The following TBC1D2B variants were observed in gnomAD, a reference collection of about 807,000 sequenced individuals.
TBC1D2B encodes the protein TBC1 domain family member 2B.
In TBC1D2B, 64 loss-of-function variants were observed where a neutral mutation model predicts 100.8. That is an observed-to-expected ratio of 0.64 (90% CI 0.52 to 0.78). TBC1D2B has a LOEUF of 0.78. TBC1D2B is among the 30% of genes least tolerant of loss of function. The probability of loss-of-function intolerance (pLI) is 0.00; values close to 1 mark genes in which losing one functional copy is unlikely to be tolerated. For missense variants in TBC1D2B, 1,052 were observed against 1,218.4 expected, an observed-to-expected ratio of 0.86 and a Z score of 2.03; for synonymous variants, 480 against 479.7, an observed-to-expected ratio of 1.00 and a Z score of -0.01.
intron 3 of TBC1D2B, among the ~76,000 whole-genome samples, chr15:78,044,168 T>A (rs900715648): frequency 3.9e-5 from 6 of 152,118 alleles, no homozygotes; most frequent in African/African-American, 1.4e-4. Context: ...TCTTTTTGGA[T>A]CGATGAAAAC....
intron 6 of TBC1D2B, among the ~76,000 whole-genome samples, chr15:78,018,227 G>C (rs1301672458): frequency 1.3e-5 from 2 of 152,146 alleles, no homozygotes; most frequent in East Asian, 3.8e-4. Context: ...ACTGATGACA[G>C]GAGAAATAAA....
intron 2 of TBC1D2B, among the ~76,000 whole-genome samples, chr15:78,046,124 G>A (rs1175475295): frequency 6.6e-6 from 1 of 152,002 alleles, no homozygotes; most frequent in Non-Finnish European, 1.5e-5. Context: ...TACAGACGAG[G>A]TTTCACCATG....
chr15:78,051,528 T>C (rs142650320), intron 2 of TBC1D2B, among the ~76,000 whole-genome samples: 38 of 152,330 alleles, frequency 2.5e-4, no homozygotes, highest in African/African-American at 7.7e-4. Context: ...TAGCTATCAG[T>C]GCAAAACGTT....
At chr15:78,019,408 G>C (rs74027732) in intron 6 of TBC1D2B, among the ~76,000 whole-genome samples, 3,939 of 152,228 alleles carry the variant, frequency 0.026, 119 homozygotes, top group African/African-American at 0.068. Flanking sequence ...AGCCAGACCA[G>C]TGGGCTCTTA....
intron 1 of TBC1D2B, among the ~76,000 whole-genome samples, chr15:78,070,076 T>G (rs1475320013): frequency 6.6e-6 from 1 of 152,208 alleles, no homozygotes; most frequent in Non-Finnish European, 1.5e-5. Context: ...GCTCTTAAGA[T>G]GAAGACCAAA....
Position 78,001,814 on chromosome 15 carries a change from G to A in TBC1D2B, c.2575-74C>T, listed in dbSNP as rs535409679. 86 of 1,506,978 alleles carry A rather than the reference G, an allele frequency of 5.7e-5. 1 individual carries two copies. The South Asian group carries it at 1.1e-3, about 19-fold the overall frequency. 93.4% of individuals were successfully genotyped at this position (1,506,978 alleles called of 1,614,324 possible). A position where few individuals can be genotyped will look rare whatever the true frequency, so the allele number is the denominator to read the frequency against. The stretch of plus-strand genomic sequence containing the variant: ...AGGCACAAGGCTGGACTCCAGGGGG[G>A]TGCTGGCCCTACTGGGGACAGGGGG... On this transcript the variant is annotated intron_variant, in intron 11 of 12. Transcript: ENST00000300584.
intron 8 of TBC1D2B, among the ~76,000 whole-genome samples, chr15:78,015,338 T>C (rs553573407): frequency 4.4e-4 from 67 of 152,240 alleles, no homozygotes; most frequent in Non-Finnish European, 7.4e-4. Context: ...CACACAGGGG[T>C]ATATGTTACA....
intron 3 of TBC1D2B, among the ~76,000 whole-genome samples, chr15:78,038,984 G>C (rs1346257307): frequency 1.3e-5 from 2 of 152,204 alleles, no homozygotes; most frequent in Non-Finnish European, 2.9e-5. Context: ...GAAAAGACCA[G>C]GTGCCATTGC....
intron 1 of TBC1D2B, among the ~76,000 whole-genome samples, chr15:78,076,385 C>G (rs1179203152): frequency 6.6e-6 from 1 of 152,208 alleles, no homozygotes; most frequent in Non-Finnish European, 1.5e-5. Flanking sequence ...TTAGCTGGAG[C>G]ATCCCCGTCC....
Position 78,016,676 on chromosome 15 carries a change from T to C in TBC1D2B, c.1645A>G (p.Met549Val), listed in dbSNP as rs1567017191. 1.9e-6 allele frequency: 3 copies of C among 1,606,020 alleles called. No homozygotes were observed. The highest frequency in any genetic ancestry group is 1.7e-5 in the Admixed American group (1 of 57,944). The change falls in exon 8 of 13, where the codon ATG becomes GTG. Residue 549 changes from methionine to valine, a missense_variant. Transcript: ENST00000300584. ...TCTTCTGAGCACACTGGTGTCTTCA[T>C]TTCTTGGAGCAATATCAGGTATTTA... is the stretch of plus-strand genomic sequence containing the variant. ...ESKYLILLQE[M>V]KTPVCSEDQG...
chr15:78,058,160 A>T (rs2073465143), intron 1 of TBC1D2B, among the ~76,000 whole-genome samples: 1 of 152,236 alleles, frequency 6.6e-6, no homozygotes, highest in Non-Finnish European at 1.5e-5. Context: ...AAAATTTAAA[A>T]GTATATTATG....
chr15:78,063,645 T>C (rs2073594785), intron 1 of TBC1D2B, among the ~76,000 whole-genome samples: 1 of 152,170 alleles, frequency 6.6e-6, no homozygotes, highest in South Asian at 2.1e-4. Context: ...GCCAACATGG[T>C]TCCACTCTTA....
chr15:78,068,227 C>A (rs1035426133), intron 1 of TBC1D2B, among the ~76,000 whole-genome samples: 3 of 152,114 alleles, frequency 2.0e-5, no homozygotes, highest in African/African-American at 7.2e-5. Flanking sequence ...TTAAAGTTAA[C>A]ACTACAGTTT....
At chr15:78,072,589 T>C (rs1231490319) in intron 1 of TBC1D2B, among the ~76,000 whole-genome samples, 3 of 152,204 alleles carry the variant, frequency 2.0e-5, no homozygotes, top group Non-Finnish European at 4.4e-5. Context: ...TGGTTAAGAA[T>C]AGGGGTACAC....
At chr15:78,030,253 T>C in intron 3 of TBC1D2B, 83 bp from the exon 4 acceptor site, 1 of 1,185,528 alleles carries the variant, frequency 8.4e-7, no homozygotes. Flanking sequence ...TTGGCAAAAA[T>C]TTAAATATCT....
Position 78,013,159 on chromosome 15 carries a change from A to C in TBC1D2B, c.1934T>G (p.Val645Gly). Residue 645 changes from valine (V) to glycine (G), a missense_variant, in exon 9 of 13, where the codon GTG becomes GGG. By Grantham distance (109) the Val-to-Gly change is moderately radical. Transcript: ENST00000300584. ...VKWENYFAST[V>G]NREMMCSPEL... ...TGGAGAGCACATCATCTCCCTGTTC[A>C]CTGTACTTGCAAAATAGTTTTCCCA... 6.2e-7 allele frequency: 1 copy of C among 1,613,914 alleles called. No individual in the cohort carries two copies. Among genetic ancestry groups the C allele is most frequent in the Non-Finnish European group, 8.5e-7 (1 of 1,179,892 alleles).
In TBC1D2B at chr15:78,012,861, C is replaced by T. The variant is rs1310189671; in HGVS notation, c.2232G>A (p.Trp744Ter). 2.6e-6 allele frequency: 4 copies of T among 1,515,086 alleles called. No individual in the cohort carries two copies. In the African/African-American group the frequency reaches 5.6e-5, roughly 21 times the overall value. The allele number at this position is 1,515,086 out of a possible 1,614,324, so 93.9% of individuals were successfully genotyped here. A position where few individuals can be genotyped will look rare whatever the true frequency, so the allele number is the denominator to read the frequency against. Residue 744 changes from tryptophan (W) to a stop codon, truncating the protein, a stop_gained, in exon 9 of 13, where the codon TGG (tryptophan) becomes TGA (stop). Transcript: ENST00000300584. LOFTEE classifies it high-confidence loss of function. Reference protein sequence around the residue: ...KLRNVLLAFSWRNPDIGYCQG... With the variant: ...KLRNVLLAFS ...GACAGTAGCCGATATCTGGATTCCG[C>T]CAGGAGAAGGCGAGGAGGACATTGC...
chr15:78,040,103 T>C (rs150639520), intron 3 of TBC1D2B, among the ~76,000 whole-genome samples: 17 of 152,242 alleles, frequency 1.1e-4, no homozygotes, highest in Admixed American at 5.2e-4. Context: ...CACACAGGCT[T>C]CCAATGCACG....
intron 2 of TBC1D2B, among the ~76,000 whole-genome samples, chr15:78,048,064 T>C (rs1408840543): frequency 1.3e-5 from 2 of 152,282 alleles, no homozygotes; most frequent in East Asian, 1.9e-4. Flanking sequence ...CAAATGCTCA[T>C]GTGGCAAAGT....
Sources: gnomAD v4.1 joint callset for allele counts (sites outside exome capture counted in the v4.1 genomes callset) on GRCh38, gnomAD v4.1.1 for gene constraint, MANE v1.5 for transcripts, NCBI Gene and HGNC (gene_info 2026-07-23, HGNC 2026-07-21) for gene names.